Variants in RGS7 observed in about 807,000 individuals in gnomAD.
The protein encoded by RGS7 is regulator of G protein signaling 7.
Under a neutral mutation model 81.1 loss-of-function variants are expected in RGS7, and 27 were observed. The ratio of observed to expected loss-of-function variants is 0.33; its 90% confidence interval spans 0.25 to 0.46. The LOEUF is 0.46. Ranked by LOEUF, RGS7 falls within the 20% of genes least tolerant of loss-of-function variation. RGS7 has a pLI of 1.00. For synonymous variants in RGS7, 208 were observed against 207.7 expected (o/e 1.00, Z -0.01); for missense variants, 396 against 607.4 (o/e 0.65, Z 3.66).
At chr1:241,330,459 C>T (rs1269845076) in intron 2 of RGS7, among the ~76,000 whole-genome samples, 3 of 152,192 alleles carry the variant, frequency 2.0e-5, no homozygotes, top group Non-Finnish European at 4.4e-5. Context: ...TAACCCATCA[C>T]TTGAAGACAT....
chr1:240,959,553 T>G (rs1034395623), intron 4 of RGS7, among the ~76,000 whole-genome samples: 3 of 152,222 alleles, frequency 2.0e-5, no homozygotes, highest in African/African-American at 7.2e-5. Flanking sequence ...CTAGGAAACT[T>G]TCAGCTCCAT....
intron 18 of RGS7, among the ~76,000 whole-genome samples, chr1:240,787,608 C>G (rs1685283585): frequency 6.6e-6 from 1 of 152,090 alleles, no homozygotes; most frequent in African/African-American, 2.4e-5. Flanking sequence ...TGATGAAATT[C>G]TGATAAAATG....
intron 15 of RGS7, among the ~76,000 whole-genome samples, chr1:240,803,406 A>G (rs1688316033): frequency 6.6e-6 from 1 of 152,132 alleles, no homozygotes; most frequent in Non-Finnish European, 1.5e-5. Flanking sequence ...TTTGGCCTCT[A>G]CATTTACTGG....
At chr1:241,181,936 A>G (rs1329673349) in intron 2 of RGS7, among the ~76,000 whole-genome samples, 1 of 152,146 alleles carries the variant, frequency 6.6e-6, no homozygotes, top group Non-Finnish European at 1.5e-5. Context: ...CCTGGCATCA[A>G]ACAATCCTCC....
intron 2 of RGS7, among the ~76,000 whole-genome samples, chr1:241,134,959 CG>C (rs2067393681): frequency 6.6e-6 from 1 of 151,362 alleles, no homozygotes; most frequent in South Asian, 2.1e-4. Flanking sequence ...CTACCCTGGC[CG>C]GAAGACACCT....
Position 240,791,119 on chromosome 1 carries a change from T to C in RGS7, c.*6+9522A>G, listed in dbSNP as rs537957475. Among the ~76,000 whole-genome samples, 5 of 152,312 alleles carry C rather than the reference T, an allele frequency of 3.3e-5. No individual in the cohort carries two copies. The South Asian group carries it at 1.0e-3, about 32-fold the overall frequency. On this transcript the variant is annotated intron_variant, in intron 18 of 18. Transcript: ENST00000440928. The stretch of plus-strand genomic sequence containing the variant: ...GGCAAAAAACTGATGATGAACTTTT[T>C]TTCCCCCAGGAATAATAGAGCATTC...
At chr1:241,280,502 G>C (rs1352123278) in intron 2 of RGS7, among the ~76,000 whole-genome samples, 4 of 152,162 alleles carry the variant, frequency 2.6e-5, no homozygotes, top group African/African-American at 9.7e-5. Context: ...ACAAGTTTTT[G>C]GTCTTTGTTT....
intron 3 of RGS7, among the ~76,000 whole-genome samples, chr1:241,067,683 T>A (rs933690874): frequency 6.6e-6 from 1 of 151,910 alleles, no homozygotes; most frequent in African/African-American, 2.4e-5. Flanking sequence ...CCCCAGCTAA[T>A]TTTTTATTTT....
At chr1:241,053,711 C>T (rs1053635839) in intron 3 of RGS7, among the ~76,000 whole-genome samples, 6 of 152,146 alleles carry the variant, frequency 3.9e-5, no homozygotes, top group African/African-American at 1.4e-4. Flanking sequence ...TTGTAGCTCC[C>T]GTAATTCCCA....
At chr1:240,785,371 T>C (rs1418770420) in intron 18 of RGS7, among the ~76,000 whole-genome samples, 1 of 152,218 alleles carries the variant, frequency 6.6e-6, no homozygotes, top group African/African-American at 2.4e-5. Context: ...GCTTTCTAAC[T>C]ATCCCTAAAC....
chr1:240,969,643 T>C (rs1682881462), intron 4 of RGS7, among the ~76,000 whole-genome samples: 1 of 152,164 alleles, frequency 6.6e-6, no homozygotes, highest in African/African-American at 2.4e-5. Flanking sequence ...CAGATAAAAA[T>C]GAGAGAGGTC....
At chr1:240,933,285 A>ATATCTATT (rs1257404322) in intron 5 of RGS7, among the ~76,000 whole-genome samples, 3 of 151,942 alleles carry the variant, frequency 2.0e-5, no homozygotes, top group African/African-American at 7.2e-5. Flanking sequence ...GTGTGCAGGC[A>ATATCTATT]TATCTATTTA....
At chr1:240,896,221 C>T (rs961549533) in intron 6 of RGS7, among the ~76,000 whole-genome samples, 1 of 152,140 alleles carries the variant, frequency 6.6e-6, no homozygotes, top group African/African-American at 2.4e-5. Flanking sequence ...CATTTTCTCC[C>T]ATTCTGTAGG....
chr1:241,136,217 A>G (rs2067506191), intron 2 of RGS7, among the ~76,000 whole-genome samples: 1 of 152,216 alleles, frequency 6.6e-6, no homozygotes, highest in Admixed American at 6.5e-5. Flanking sequence ...ACATGTATAG[A>G]CAGTCTGCAG....
chr1:241,082,124 G>A (rs911213510), intron 3 of RGS7, among the ~76,000 whole-genome samples: 12 of 152,176 alleles, frequency 7.9e-5, no homozygotes, highest in East Asian at 1.9e-4. Context: ...GGAATAAGTC[G>A]ATACACCTGA....
At chr1:241,237,052 A>G (rs984690323) in intron 2 of RGS7, among the ~76,000 whole-genome samples, 1 of 152,246 alleles carries the variant, frequency 6.6e-6, no homozygotes, top group Non-Finnish European at 1.5e-5. Flanking sequence ...AATTGCACAG[A>G]CAAATGCTGA....
chr1:241,095,643 A>C (rs112556980), intron 3 of RGS7, among the ~76,000 whole-genome samples: 8,115 of 152,214 alleles, frequency 0.053, 709 homozygotes, highest in African/African-American at 0.18. Context: ...GCAAGACTGT[A>C]TCAAAAAACA....
At chr1:241,326,886 G>A (rs1435450469) in intron 2 of RGS7, among the ~76,000 whole-genome samples, 1 of 148,834 alleles carries the variant, frequency 6.7e-6, no homozygotes, top group Non-Finnish European at 1.5e-5. Flanking sequence ...CCCCAGCCTG[G>A]GTGACAGAGT....
At chr1:241,177,066 C>A (rs2071205604) in intron 2 of RGS7, among the ~76,000 whole-genome samples, 1 of 152,154 alleles carries the variant, frequency 6.6e-6, no homozygotes, top group South Asian at 2.1e-4. Context: ...GGATGAGAAC[C>A]ATGAACAATA....
Sources: allele counts gnomAD v4.1 joint callset (sites outside exome capture counted in the v4.1 genomes callset), GRCh38; gene constraint gnomAD v4.1.1; transcripts MANE v1.5; gene names NCBI Gene and HGNC (gene_info 2026-07-23, HGNC 2026-07-21).